The following LUZP2 variants were observed in gnomAD, a reference collection of about 807,000 sequenced individuals.
LUZP2 encodes leucine zipper protein 2.
Under a neutral mutation model 51.6 loss-of-function variants are expected in LUZP2, and 52 were observed. The observed-to-expected ratio is 1.01, with a 90% confidence interval of 0.81 to 1.27. The LOEUF (loss-of-function observed/expected upper bound fraction) is 1.27, where lower values mean the gene tolerates loss of function less well. LUZP2 is among the 50% of genes most tolerant of loss of function. The probability of loss-of-function intolerance (pLI) is 0.00; values close to 1 mark genes in which losing one functional copy is unlikely to be tolerated. For synonymous variants in LUZP2, 154 were observed against 137.3 expected (o/e 1.12, Z -0.85); for missense variants, 436 against 395.4 (o/e 1.10, Z -0.87).
intron 4 of LUZP2, among the ~76,000 whole-genome samples, chr11:24,742,001 A>T (rs1183338419): frequency 7.5e-6 from 1 of 133,040 alleles, no homozygotes; most frequent in African/African-American, 2.9e-5. Context: ...AAATGTATAT[A>T]TTATATATAA....
intron 1 of LUZP2, among the ~76,000 whole-genome samples, chr11:24,633,964 G>GTGTA (rs141308575): frequency 6.7e-6 from 1 of 149,138 alleles, no homozygotes; most frequent in African/African-American, 2.5e-5. Flanking sequence ...GTGTGTGTGT[G>GTGTA]TATATATAGT....
At chr11:24,565,747 T>C (rs890387228) in intron 1 of LUZP2, among the ~76,000 whole-genome samples, 1 of 152,028 alleles carries the variant, frequency 6.6e-6, no homozygotes, top group Non-Finnish European at 1.5e-5. Context: ...AGCAAGATAA[T>C]ACTAAAAAGT....
intron 9 of LUZP2, among the ~76,000 whole-genome samples, chr11:25,005,324 A>T (rs1302085954): frequency 6.6e-6 from 1 of 152,102 alleles, no homozygotes; most frequent in East Asian, 1.9e-4. Flanking sequence ...ATAGTTGTGG[A>T]TTCACCTTCA....
intron 1 of LUZP2, among the ~76,000 whole-genome samples, chr11:24,703,255 G>A (rs183797336): frequency 5.3e-5 from 8 of 152,240 alleles, no homozygotes; most frequent in Admixed American, 2.6e-4. Context: ...CAATTAACCT[G>A]GGAGTATCCA....
chr11:24,525,869 G>A (rs1449854120), intron 1 of LUZP2, among the ~76,000 whole-genome samples: 3 of 151,346 alleles, frequency 2.0e-5, no homozygotes, highest in Non-Finnish European at 3.0e-5. Flanking sequence ...AAACAGGAAG[G>A]AAGTGGTTGG....
At chr11:24,897,991 A>C (rs1211455488) in intron 5 of LUZP2, among the ~76,000 whole-genome samples, 3 of 152,192 alleles carry the variant, frequency 2.0e-5, no homozygotes, top group Admixed American at 2.0e-4. Context: ...TGTATAGTAC[A>C]CTATGATATG....
At chr11:24,545,191 T>A (rs1255124179) in intron 1 of LUZP2, among the ~76,000 whole-genome samples, 1 of 151,910 alleles carries the variant, frequency 6.6e-6, no homozygotes, top group Non-Finnish European at 1.5e-5. Flanking sequence ...CTTTGCCAGA[T>A]GCATACTTTG....
At chr11:24,653,347 T>A (rs1005737367) in intron 1 of LUZP2, among the ~76,000 whole-genome samples, 12 of 152,156 alleles carry the variant, frequency 7.9e-5, no homozygotes, top group African/African-American at 2.9e-4. Flanking sequence ...CTTTTTTTGG[T>A]CTGGGTAGTT....
rs150323971 is a variant in LUZP2 at position 25,066,391 on chromosome 11, G to A, written c.859-10938G>A. 6.6e-3 allele frequency among the ~76,000 whole-genome samples: 998 copies of A among 151,950 alleles called. 9 individuals carry two copies. The highest frequency in any genetic ancestry group is 0.019 in the African/African-American group (796 of 41,488). On this transcript the variant is annotated intron_variant, in intron 10 of 11. Transcript: ENST00000336930. Reference sequence around the variant, plus strand: ...ACTTGAACTGCTTATTAAATGATACGTGGGAGTTTACAAAATAATGTTTTG... The same window carrying A: ...ACTTGAACTGCTTATTAAATGATACATGGGAGTTTACAAAATAATGTTTTG...
intron 9 of LUZP2, among the ~76,000 whole-genome samples, chr11:25,028,095 T>C (rs1255192624): frequency 6.6e-6 from 1 of 152,128 alleles, no homozygotes; most frequent in Non-Finnish European, 1.5e-5. Flanking sequence ...AGTAGGTGTG[T>C]ATACTTATAG....
At chr11:24,726,544 T>G in intron 1 of LUZP2, among the ~76,000 whole-genome samples, 1 of 152,046 alleles carries the variant, frequency 6.6e-6, no homozygotes, top group East Asian at 1.9e-4. Flanking sequence ...CAAAAAAAAT[T>G]AACATGTTGA....
At chr11:24,569,601 A>G (rs185733643) in intron 1 of LUZP2, among the ~76,000 whole-genome samples, 21 of 152,168 alleles carry the variant, frequency 1.4e-4, no homozygotes, top group African/African-American at 5.1e-4. Flanking sequence ...GCAAAATAGC[A>G]TATTATATAA....
chr11:24,967,619 T>C (rs1053351594), intron 7 of LUZP2, among the ~76,000 whole-genome samples: 1 of 152,000 alleles, frequency 6.6e-6, no homozygotes, highest in South Asian at 2.1e-4. Context: ...TTTCTATTAG[T>C]ATCACGTCAT....
chr11:24,897,711 A>T (rs1229369149), intron 5 of LUZP2, among the ~76,000 whole-genome samples: 3 of 152,226 alleles, frequency 2.0e-5, no homozygotes, highest in African/African-American at 7.2e-5. Flanking sequence ...AGTCAGTGAG[A>T]CCAAGAACCC....
intron 10 of LUZP2, among the ~76,000 whole-genome samples, chr11:25,075,431 C>G (rs1041146730): frequency 6.6e-6 from 1 of 151,916 alleles, no homozygotes; most frequent in African/African-American, 2.4e-5. Context: ...TATTTCATGG[C>G]CAATATTTTA....
Position 25,063,280 on chromosome 11 carries a change from A to C in LUZP2, c.858+13150A>C, listed in dbSNP as rs548338165. Among the ~76,000 whole-genome samples, 80 of 151,906 alleles carry C rather than the reference A, an allele frequency of 5.3e-4. 1 individual carries two copies. The South Asian group carries it at 0.016, about 31-fold the overall frequency. Reference sequence around the variant, plus strand: ...ATATAAATATAACATCATTTTATTTAAGGGACTTGAGCATCCATGGATTTT... The same window carrying C: ...ATATAAATATAACATCATTTTATTTCAGGGACTTGAGCATCCATGGATTTT... On this transcript the variant is annotated intron_variant, in intron 10 of 11. Coordinates refer to ENST00000336930, the MANE Select transcript of LUZP2 (RefSeq NM_001009909.4).
At chr11:24,687,460 G>A (rs1179710797) in intron 1 of LUZP2, among the ~76,000 whole-genome samples, 1 of 152,146 alleles carries the variant, frequency 6.6e-6, no homozygotes, top group Non-Finnish European at 1.5e-5. Flanking sequence ...TAATAAACCT[G>A]TGAGAATGGT....
intron 1 of LUZP2, among the ~76,000 whole-genome samples, chr11:24,566,853 TATATA>T (rs201738763): frequency 0.036 from 5,243 of 145,344 alleles, 146 homozygotes; most frequent in Non-Finnish European, 0.054. Flanking sequence ...TATATATACA[TATATA>T]ATGTATATAC....
chr11:24,745,700 T>C (rs7925581), intron 4 of LUZP2, among the ~76,000 whole-genome samples: 2 of 151,926 alleles, frequency 1.3e-5, no homozygotes, highest in African/African-American at 4.8e-5. Context: ...TGTTTTGAGA[T>C]GGAGTCTTGC....
Sources: allele counts gnomAD v4.1 joint callset (sites outside exome capture counted in the v4.1 genomes callset), GRCh38; gene constraint gnomAD v4.1.1; transcripts MANE v1.5; gene names NCBI Gene and HGNC (gene_info 2026-07-23, HGNC 2026-07-21).